Variants in MGAT4C observed in about 807,000 individuals in gnomAD.
MGAT4C encodes the protein alpha-1,3-mannosyl-glycoprotein 4-beta-N-acetylglucosaminyltransferase C.
A neutral mutation model predicts 40.1 loss-of-function variants in MGAT4C; 19 were observed. That is an observed-to-expected ratio of 0.47 (90% confidence interval 0.33 to 0.70). The LOEUF (loss-of-function observed/expected upper bound fraction) is 0.70. Ranked by LOEUF, MGAT4C falls within the 30% of genes least tolerant of loss-of-function variation. The pLI, the probability that MGAT4C is intolerant of heterozygous loss-of-function variation, is 0.02. For synonymous variants in MGAT4C, 181 were observed against 187.1 expected (o/e 0.97, Z 0.27); for missense variants, 491 against 563.2 (o/e 0.87, Z 1.30).
chr12:86,205,971 C>A, intron 1 of MGAT4C, among the ~76,000 whole-genome samples: 1 of 151,010 alleles, frequency 6.6e-6, no homozygotes, highest in Non-Finnish European at 1.5e-5. Flanking sequence ...AAAAATTAAG[C>A]AATTATGGCT....
intron 2 of MGAT4C, among the ~76,000 whole-genome samples, chr12:86,567,482 A>G (rs1165336801): frequency 6.6e-6 from 1 of 152,178 alleles, no homozygotes; most frequent in Non-Finnish European, 1.5e-5. Flanking sequence ...CTACTCAACA[A>G]TTAGGATAAG....
intron 2 of MGAT4C, among the ~76,000 whole-genome samples, chr12:86,036,992 T>G (rs1243851847): frequency 6.7e-6 from 1 of 150,166 alleles, no homozygotes; most frequent in African/African-American, 2.4e-5. Context: ...ATTCAAGGAT[T>G]CAACTTCTTC....
chr12:86,483,023 A>T (rs535202872), intron 2 of MGAT4C, among the ~76,000 whole-genome samples: 1 of 152,324 alleles, frequency 6.6e-6, no homozygotes, highest in Admixed American at 6.5e-5. Flanking sequence ...CTATAACAAA[A>T]TATCATAGAC....
chr12:86,035,040 C>G (rs929285085), intron 2 of MGAT4C, among the ~76,000 whole-genome samples: 1 of 149,978 alleles, frequency 6.7e-6, no homozygotes, highest in African/African-American at 2.4e-5. Flanking sequence ...AATAAACATA[C>G]GTGTGCATGT....
intron 1 of MGAT4C, among the ~76,000 whole-genome samples, chr12:86,091,964 C>A (rs569969729): frequency 6.6e-6 from 1 of 152,164 alleles, no homozygotes; most frequent in South Asian, 2.1e-4. Context: ...CAGGAAGAAC[C>A]AGAAATTGCC....
intron 1 of MGAT4C, among the ~76,000 whole-genome samples, chr12:86,098,870 T>C (rs1874416521): frequency 6.6e-6 from 1 of 151,530 alleles, no homozygotes; most frequent in South Asian, 2.1e-4. Flanking sequence ...CAATTTTCTA[T>C]AATAATTATT....
intron 1 of MGAT4C, among the ~76,000 whole-genome samples, chr12:86,091,077 G>T (rs911207110): frequency 6.6e-6 from 1 of 151,896 alleles, no homozygotes; most frequent in Admixed American, 6.6e-5. Flanking sequence ...GTTAAAAACT[G>T]AAAGGAAAGA....
chr12:86,180,720 C>T (rs965507712), intron 1 of MGAT4C, among the ~76,000 whole-genome samples: 1 of 152,128 alleles, frequency 6.6e-6, no homozygotes, highest in Non-Finnish European at 1.5e-5. Flanking sequence ...TTTGGAATGG[C>T]TATATGTACT....
intron 2 of MGAT4C, among the ~76,000 whole-genome samples, chr12:86,469,219 G>T (rs10858429): frequency 0.88 from 134,436 of 152,144 alleles, 59,472 homozygotes; most frequent in East Asian, 1. Context: ...AACTTCTAGA[G>T]GGTTTCAATG....
At chr12:86,022,073 T>C (rs951585485) in intron 2 of MGAT4C, among the ~76,000 whole-genome samples, 1 of 152,252 alleles carries the variant, frequency 6.6e-6, no homozygotes, top group African/African-American at 2.4e-5. Context: ...AATTTTGTTA[T>C]TGATAAATCA....
chr12:86,602,881 T>TGA (rs1277075950), intron 2 of MGAT4C, among the ~76,000 whole-genome samples: 2 of 103,050 alleles, frequency 1.9e-5, no homozygotes, highest in African/African-American at 4.5e-5. Context: ...CCTGCCCATC[T>TGA]GCGTGTGTGT....
chr12:86,419,350 G>C (rs1200565772), intron 3 of MGAT4C, among the ~76,000 whole-genome samples: 2 of 151,590 alleles, frequency 1.3e-5, no homozygotes, highest in African/African-American at 4.8e-5. Flanking sequence ...CAAAGAAACT[G>C]AGTTTTATTT....
At chr12:86,646,358 T>G (rs992818743) in intron 2 of MGAT4C, among the ~76,000 whole-genome samples, 9 of 152,020 alleles carry the variant, frequency 5.9e-5, no homozygotes, top group Admixed American at 5.2e-4. Flanking sequence ...GAACATATAC[T>G]GTATTCTAGA....
At chr12:86,656,728 A>C (rs1963860341) in intron 2 of MGAT4C, among the ~76,000 whole-genome samples, 1 of 152,080 alleles carries the variant, frequency 6.6e-6, no homozygotes, top group Non-Finnish European at 1.5e-5. Flanking sequence ...GTGGAGTAAT[A>C]GAACACAAAC....
chr12:86,126,906 CG>C (rs562008523), intron 1 of MGAT4C, among the ~76,000 whole-genome samples: 1 of 152,014 alleles, frequency 6.6e-6, no homozygotes, highest in African/African-American at 2.4e-5. Context: ...CAGTATAAAG[CG>C]GGGATGGTTT....
rs111346653 is a variant in MGAT4C, at chr12:86,513,259, T to C, written c.-228-77994A>G. On this transcript the variant is annotated intron_variant, in intron 2 of 7. Transcript: ENST00000548651. ...TTTTAAATATATTTACAGGAAAATA[T>C]GGCAAGTAGCAACAAATAGTTACTA... Among the ~76,000 whole-genome samples, 511 of 152,262 alleles carry C rather than the reference T, an allele frequency of 3.4e-3. 1 individual carries two copies. The highest frequency in any genetic ancestry group is 0.012 in the African/African-American group (494 of 41,552).
chr12:86,748,022 T>A (rs11104067), intron 1 of MGAT4C, among the ~76,000 whole-genome samples: 71,791 of 151,310 alleles, frequency 0.47, 17,293 homozygotes, highest in African/African-American at 0.52. Context: ...TTATAAGCAA[T>A]TAGGAACCAA....
At chr12:86,200,548 T>C (rs1444820557) in intron 1 of MGAT4C, among the ~76,000 whole-genome samples, 1 of 152,144 alleles carries the variant, frequency 6.6e-6, no homozygotes, top group Non-Finnish European at 1.5e-5. Context: ...GGCCTTCTAG[T>C]AGATAAAAGG....
chr12:86,180,970 C>A (rs760524536), intron 1 of MGAT4C, among the ~76,000 whole-genome samples: 2 of 152,172 alleles, frequency 1.3e-5, no homozygotes, highest in African/African-American at 2.4e-5. Flanking sequence ...GTGTCCCCAC[C>A]CAAGTCTCAA....
Sources: gnomAD v4.1 joint callset for allele counts (sites outside exome capture counted in the v4.1 genomes callset) on GRCh38, gnomAD v4.1.1 for gene constraint, MANE v1.5 for transcripts, NCBI Gene and HGNC (gene_info 2026-07-23, HGNC 2026-07-21) for gene names.